The following COQ8A variants were observed in gnomAD, a reference collection of about 807,000 sequenced individuals.
The protein encoded by COQ8A is atypical kinase COQ8A, mitochondrial.
In COQ8A, 51 loss-of-function variants were observed where a neutral mutation model predicts 65.0. The ratio of observed to expected loss-of-function variants is 0.78; its 90% CI spans 0.63 to 0.99. The LOEUF is 0.99. COQ8A is among the 50% of genes least tolerant of loss of function. COQ8A has a pLI of 0.00. For synonymous variants in COQ8A, 371 were observed against 353.2 expected, an observed-to-expected ratio of 1.05 and a Z score of -0.57; for missense variants, 940 against 875.0, an observed-to-expected ratio of 1.07 and a Z score of -0.94.
intron 8 of COQ8A, chr1:226,983,284 G>C (rs1421508817): frequency 1.5e-6 from 1 of 677,584 alleles, no homozygotes; most frequent in Admixed American, 2.7e-5. Context: ...AAGGACAGGG[G>C]ACAAGTGATT....
intron 1 of COQ8A, among the ~76,000 whole-genome samples, chr1:226,944,924 A>G (rs777366426): frequency 7.2e-5 from 11 of 152,098 alleles, no homozygotes; most frequent in Non-Finnish European, 1.5e-4. Context: ...GTGTTTCCTG[A>G]GAGACAGAGA....
chr1:226,974,284 T>G (rs1267486390), intron 4 of COQ8A, among the ~76,000 whole-genome samples: 1 of 152,202 alleles, frequency 6.6e-6, no homozygotes, highest in African/African-American at 2.4e-5. Context: ...ATAACTTCTC[T>G]CGGAGAAACA....
At chr1:226,945,369 G>T (rs1220171241) in intron 1 of COQ8A, among the ~76,000 whole-genome samples, 1 of 152,182 alleles carries the variant, frequency 6.6e-6, no homozygotes, top group Admixed American at 6.5e-5. Context: ...CTGGATGAGG[G>T]GTCCTGGGGA....
At chr1:226,955,308 C>T (rs946583250) in intron 1 of COQ8A, among the ~76,000 whole-genome samples, 2 of 151,878 alleles carry the variant, frequency 1.3e-5, no homozygotes, top group South Asian at 2.1e-4. Flanking sequence ...GGCTTCTCAG[C>T]GTGGACTCTC....
chr1:226,966,767 C>G (rs1414850362), intron 4 of COQ8A, among the ~76,000 whole-genome samples: 1 of 152,174 alleles, frequency 6.6e-6, no homozygotes, highest in Non-Finnish European at 1.5e-5. Flanking sequence ...TGCCTATTCT[C>G]TTTTGGAAAC....
In COQ8A at chr1:226,982,748, A is replaced by T; in HGVS notation, c.924A>T (p.Pro308=). 6.2e-7 allele frequency: 1 copy of T among 1,613,660 alleles called. No individual in the cohort carries two copies. The change falls in exon 7 of 15, where the codon CCA becomes CCT. Residue 308 remains proline, a synonymous_variant. Coordinates refer to ENST00000366777, the MANE Select transcript of COQ8A (RefSeq NM_020247.5). ...ERVRQSADFM[P]LKQMMKTLNN... ...TGCGGCAGAGCGCGGACTTCATGCC[A>T]CTGAAGCAGATGATGGTGAGGAGCC...
At chr1:226,952,056 C>T (rs1463525229) in intron 1 of COQ8A, among the ~76,000 whole-genome samples, 1 of 152,154 alleles carries the variant, frequency 6.6e-6, no homozygotes, top group Non-Finnish European at 1.5e-5. Context: ...GGGTAAGCAC[C>T]CTTTCATTAT....
Position 226,983,546 on chromosome 1 carries a change from C to A in COQ8A, c.1081-6C>A. 2 of 1,613,676 alleles carry A rather than the reference C, an allele frequency of 1.2e-6. No homozygotes were observed. Among genetic ancestry groups the A allele is most frequent in the Non-Finnish European group, 1.7e-6 (2 of 1,179,888 alleles). On this transcript the variant is annotated splice_region_variant and splice_polypyrimidine_tract_variant and intron_variant, in intron 8 of 14. Transcript: ENST00000366777. ...TAACTCCCCTGCCTCACCCATACCCCCACAGTACCCTGGCGTGGCCCAGAG... is the reference window on the plus strand; with the variant it reads ...TAACTCCCCTGCCTCACCCATACCCACACAGTACCCTGGCGTGGCCCAGAG...
At chr1:226,984,829 A>T (rs1204319477) in intron 12 of COQ8A, 47 bp from the exon 13 acceptor site, 1 of 1,600,596 alleles carries the variant, frequency 6.2e-7, no homozygotes, top group Non-Finnish European at 8.6e-7. Flanking sequence ...ACACACCCGC[A>T]CCATGGAGCA....
intron 1 of COQ8A, among the ~76,000 whole-genome samples, chr1:226,945,420 C>T (rs1210785630): frequency 6.6e-6 from 1 of 152,198 alleles, no homozygotes; most frequent in Non-Finnish European, 1.5e-5. Flanking sequence ...AAGCTCAGAG[C>T]CTGGGCCCCA....
rs202227926 is a variant in COQ8A at position 226,983,849 on chromosome 1, G to A, written c.1251G>A (p.Lys417=). 1.2e-5 allele frequency: 19 copies of A among 1,609,916 alleles called. No individual in the cohort carries two copies. Among genetic ancestry groups the A allele is most frequent in the Non-Finnish European group, 1.6e-5 (19 of 1,179,706 alleles). ...AGCGAGAGGCCGCCTGTGCCCGCAAGTTCAGGTGTGGCCCCCGGCCGGGCC... is the reference window on the plus strand; with the variant it reads ...AGCGAGAGGCCGCCTGTGCCCGCAAATTCAGGTGTGGCCCCCGGCCGGGCC... ...DYQREAACAR[K]FRDLLKGHPF... Residue 417 remains lysine (K), a synonymous_variant, in exon 10 of 15, where the codon AAG becomes AAA. Transcript: ENST00000366777.
intron 1 of COQ8A, among the ~76,000 whole-genome samples, chr1:226,956,920 G>A (rs1657814042): frequency 1.6e-5 from 1 of 64,070 alleles, no homozygotes; most frequent in Non-Finnish European, 3.0e-5. Context: ...CCACTCCCTG[G>A]TTCACACTCT....
At chr1:226,942,872 A>C (rs1656787396) in intron 1 of COQ8A, among the ~76,000 whole-genome samples, 1 of 152,224 alleles carries the variant, frequency 6.6e-6, no homozygotes, top group African/African-American at 2.4e-5. Flanking sequence ...TTTACTTCTG[A>C]GTCTAAATTT....
At chr1:226,961,240 A>G in intron 1 of COQ8A, 137 bp from the exon 2 acceptor site, 1 of 913,128 alleles carries the variant, frequency 1.1e-6, no homozygotes. Flanking sequence ...GCCCTTTCTT[A>G]TCTCTTAGCA....
chr1:226,984,319 T>C (rs1426631972), intron 11 of COQ8A, 84 bp downstream of exon 11: 9 of 1,589,242 alleles, frequency 5.7e-6, no homozygotes, highest in Middle Eastern at 2.0e-4. Flanking sequence ...AGCTGGGGAC[T>C]TGGAGCCCTG....
intron 8 of COQ8A, chr1:226,983,328 C>T (rs369370661): frequency 4.1e-5 from 27 of 662,246 alleles, no homozygotes; most frequent in African/African-American, 2.7e-4. Context: ...GGAGGGTGGC[C>T]GTGAGCTGTT....
chr1:226,948,003 A>C (rs1657147328), intron 1 of COQ8A, among the ~76,000 whole-genome samples: 1 of 152,144 alleles, frequency 6.6e-6, no homozygotes, highest in South Asian at 2.1e-4. Context: ...TGGTCTGGAA[A>C]TTATTCTAGA....
intron 4 of COQ8A, among the ~76,000 whole-genome samples, chr1:226,971,558 AAAAAAAG>A (rs1658914706): frequency 6.6e-6 from 1 of 151,266 alleles, no homozygotes; most frequent in Non-Finnish European, 1.5e-5. Flanking sequence ...AAGAAAAAGA[AAAAAAAG>A]AAAAAAGAGA....
chr1:226,945,240 T>C (rs1261181948), intron 1 of COQ8A, among the ~76,000 whole-genome samples: 5 of 152,136 alleles, frequency 3.3e-5, no homozygotes, highest in African/African-American at 1.2e-4. Flanking sequence ...GCGGTGTGCC[T>C]GAGGTCACCC....
Sources: gnomAD v4.1 joint callset for allele counts (sites outside exome capture counted in the v4.1 genomes callset) on GRCh38, gnomAD v4.1.1 for gene constraint, MANE v1.5 for transcripts, NCBI Gene and HGNC (gene_info 2026-07-23, HGNC 2026-07-21) for gene names.